DAG1: variants seen among roughly 807,000 people sequenced by gnomAD.
DAG1 encodes dystroglycan 1 (dystrophin-associated glycoprotein 1).
DAG1 carries 8 observed loss-of-function variants against 46.1 expected under a neutral mutation model. The observed-to-expected ratio is 0.17, with a 90% CI of 0.10 to 0.31. The LOEUF is 0.31. Ranked by LOEUF, DAG1 falls within the 10% of genes least tolerant of loss-of-function variation. The probability of loss-of-function intolerance (pLI) is 1.00; values close to 1 mark genes in which losing one functional copy is unlikely to be tolerated. For missense variants in DAG1, 1,003 were observed against 1,189.9 expected (o/e 0.84, Z 2.31); for synonymous variants, 495 against 481.8 (o/e 1.03, Z -0.36).
intron 1 of DAG1, among the ~76,000 whole-genome samples, chr3:49,501,033 G>T (rs2107522907): frequency 6.6e-6 from 1 of 152,184 alleles, no homozygotes; most frequent in South Asian, 2.1e-4. Context: ...AAGACAAAAG[G>T]GTGTTTTATT....
chr3:49,478,802 C>CTTT lies in DAG1; in HGVS notation c.-117+8395_-117+8397dup, dbSNP rs201202889. ...TGAAAAGTCTCTTGTCGTCCCCTCC[C>CTTT]TTTTTTTTTTTTTTTTTTTTTTTTT... On this transcript the variant is annotated intron_variant, in intron 1 of 2. Transcript: ENST00000308775. Among the ~76,000 whole-genome samples, 27 of 76,010 alleles carry CTTT rather than the reference C, an allele frequency of 3.6e-4. 1 individual carries two copies. Among genetic ancestry groups the CTTT allele is most frequent in the African/African-American group, 8.1e-4 (15 of 18,622 alleles). 49.9% of individuals were successfully genotyped at this position (76,010 alleles called of 152,430 possible). A position where few individuals can be genotyped will look rare whatever the true frequency, so the allele number is the denominator to read the frequency against.
intron 1 of DAG1, among the ~76,000 whole-genome samples, chr3:49,478,527 GTTTTTTT>G (rs35150889): frequency 2.4e-5 from 2 of 85,078 alleles, no homozygotes; most frequent in Non-Finnish European, 4.2e-5. Context: ...GAGCCCAAGA[GTTTTTTT>G]TTTTTTTTTT....
intron 1 of DAG1, among the ~76,000 whole-genome samples, chr3:49,494,508 A>AT (rs377656848): frequency 1.4e-4 from 21 of 152,320 alleles, no homozygotes; most frequent in African/African-American, 5.1e-4. Context: ...TAGCATATTA[A>AT]TTTTGAGCTA....
intron 1 of DAG1, among the ~76,000 whole-genome samples, chr3:49,491,284 A>G (rs956528309): frequency 6.7e-6 from 1 of 149,216 alleles, no homozygotes; most frequent in African/African-American, 2.5e-5. Flanking sequence ...TGCTGGGATT[A>G]CAGGTATGAG....
intron 1 of DAG1, among the ~76,000 whole-genome samples, chr3:49,497,256 G>A (rs1207052334): frequency 6.6e-6 from 1 of 151,990 alleles, no homozygotes; most frequent in Non-Finnish European, 1.5e-5. Flanking sequence ...GGCTAACATG[G>A]TGAAATCCCA....
chr3:49,528,962 T>C (rs890005147), intron 2 of DAG1, among the ~76,000 whole-genome samples: 5 of 152,026 alleles, frequency 3.3e-5, no homozygotes, highest in South Asian at 2.1e-4. Context: ...GCAATTCTTA[T>C]GCCTTAGCCT....
At position 49,504,761 on chromosome 3, in the gene DAG1, A is replaced by T. The variant is rs1426997912; in HGVS notation, c.-116-5658A>T. Among the ~76,000 whole-genome samples the T allele has an allele frequency of 2.1e-3, 186 of 89,916 alleles. 1 individual carries two copies. Among genetic ancestry groups the T allele is most frequent in the Admixed American group, 5.4e-3 (37 of 6,882 alleles). 59.0% of individuals were successfully genotyped at this position (89,916 alleles called of 152,430 possible). ...AGGCGCCCGCTACCACGCCCAGCTA[A>T]TTTTTTTTTTTTTTTTTTTTTTTGT... On this transcript the variant is annotated intron_variant, in intron 1 of 2. Transcript: ENST00000308775.
chr3:49,475,706 T>TC (rs936954910), intron 1 of DAG1, among the ~76,000 whole-genome samples: 1 of 150,470 alleles, frequency 6.6e-6, no homozygotes, highest in African/African-American at 2.4e-5. Context: ...TTTTTCTTTT[T>TC]TTTTTTTTTG....
At chr3:49,473,826 C>T (rs758753881) in intron 1 of DAG1, among the ~76,000 whole-genome samples, 17 of 151,674 alleles carry the variant, frequency 1.1e-4, no homozygotes, top group Admixed American at 2.0e-4. Context: ...TCAGGTGATC[C>T]GCCCGCGTCA....
chr3:49,497,190 A>T (rs2050336147), intron 1 of DAG1, among the ~76,000 whole-genome samples: 1 of 151,658 alleles, frequency 6.6e-6, no homozygotes, highest in Non-Finnish European at 1.5e-5. Context: ...TAATCCCAGC[A>T]CTTTGGGAGG....
At chr3:49,479,509 C>T (rs191497833) in intron 1 of DAG1, among the ~76,000 whole-genome samples, 12 of 151,566 alleles carry the variant, frequency 7.9e-5, no homozygotes, top group Non-Finnish European at 1.8e-4. Flanking sequence ...TGGGTTTCAC[C>T]ATGTTGGCCA....
intron 2 of DAG1, among the ~76,000 whole-genome samples, chr3:49,529,278 C>G (rs895078885): frequency 2.4e-4 from 36 of 151,996 alleles, no homozygotes; most frequent in African/African-American, 8.5e-4. Flanking sequence ...TCAAGCAATC[C>G]TCCCGCCTTG....
chr3:49,474,427 C>A (rs1156238677), intron 1 of DAG1, among the ~76,000 whole-genome samples: 1 of 152,074 alleles, frequency 6.6e-6, no homozygotes, highest in Non-Finnish European at 1.5e-5. Context: ...CTCACTGCAA[C>A]CTCTGCCCCT....
chr3:49,531,977 G>T lies in DAG1; in HGVS notation c.1466G>T (p.Arg489Leu). 1 of 1,614,170 alleles carries T rather than the reference G, an allele frequency of 6.2e-7. No individual in the cohort carries two copies. Among genetic ancestry groups the T allele is most frequent in the Non-Finnish European group, 8.5e-7 (1 of 1,180,030 alleles). Reference sequence around the variant, plus strand: ...CGCACCACCACCAGTGGAGTGCCCCGTGGCGGAGAACCCAACCAGCGCCCA... The same window carrying T: ...CGCACCACCACCAGTGGAGTGCCCCTTGGCGGAGAACCCAACCAGCGCCCA... ...RIRTTTSGVPRGGEPNQRPEL... is the reference protein window; with the variant it reads ...RIRTTTSGVPLGGEPNQRPEL... Residue 489 changes from arginine (R) to leucine (L), a missense_variant, in exon 3 of 3, where the codon CGT (arginine) becomes CTT (leucine). By Grantham distance (102) the Arg-to-Leu change is moderately radical. Coordinates refer to ENST00000308775, the MANE Select transcript of DAG1 (RefSeq NM_004393.6). The surrounding 1 kb of genome is among the most constrained non-coding windows in gnomAD (Gnocchi z 7.0).
chr3:49,508,056 C>A (rs2050655245), intron 1 of DAG1, among the ~76,000 whole-genome samples: 1 of 151,624 alleles, frequency 6.6e-6, no homozygotes, highest in South Asian at 2.1e-4. Flanking sequence ...TTTCTTGTAT[C>A]ATTCTTGAGA....
At chr3:49,523,107 C>T (rs2051079584) in intron 2 of DAG1, among the ~76,000 whole-genome samples, 1 of 141,892 alleles carries the variant, frequency 7.0e-6, no homozygotes, top group Non-Finnish European at 1.6e-5. Flanking sequence ...TCTTTTCTGC[C>T]CTTCCTGGCC....
chr3:49,519,250 C>T (rs112246961), intron 2 of DAG1, among the ~76,000 whole-genome samples: 4 of 152,186 alleles, frequency 2.6e-5, no homozygotes, highest in Non-Finnish European at 4.4e-5. Context: ...GACATCTTTA[C>T]ATTTCATGAA....
chr3:49,529,445 G>C (rs2051283280), intron 2 of DAG1, among the ~76,000 whole-genome samples: 1 of 152,186 alleles, frequency 6.6e-6, no homozygotes, highest in Non-Finnish European at 1.5e-5. Context: ...TACAAGCCTG[G>C]GGTCTCCTTT....
At chr3:49,483,980 T>C (rs1207190858) in intron 1 of DAG1, among the ~76,000 whole-genome samples, 1 of 152,200 alleles carries the variant, frequency 6.6e-6, no homozygotes, top group African/African-American at 2.4e-5. Flanking sequence ...TTTTAGACTT[T>C]TGAGCAGTGT....
Sources: gnomAD v4.1 joint callset for allele counts (sites outside exome capture counted in the v4.1 genomes callset) on GRCh38, gnomAD v4.1.1 for gene constraint, Gnocchi (gnomAD v3.1) non-coding constraint, MANE v1.5 for transcripts, NCBI Gene and HGNC (gene_info 2026-07-23, HGNC 2026-07-21) for gene names.